Variants in MX1 observed in about 807,000 individuals in gnomAD.
MX1 encodes the protein interferon-induced GTP-binding protein Mx1.
In MX1, 66 loss-of-function variants were observed where a neutral mutation model predicts 66.4. That is an observed-to-expected ratio of 0.99 (90% CI 0.82 to 1.22). MX1 has a LOEUF of 1.22. Ranked by LOEUF, MX1 falls within the 50% of genes most tolerant of loss-of-function variation. The pLI, the probability that MX1 is intolerant of heterozygous loss-of-function variation, is 0.00. For synonymous variants in MX1, 311 were observed against 318.1 expected (o/e 0.98, Z 0.24); for missense variants, 787 against 834.3 (o/e 0.94, Z 0.70).
chr21:41,441,599 CCTGT>C lies in MX1; in HGVS notation c.731-115_731-112del. The C allele has an allele frequency of 2.9e-6, 3 of 1,049,576 alleles. No individual in the cohort carries two copies. Among genetic ancestry groups the C allele is most frequent in the Non-Finnish European group, 1.5e-6 (1 of 680,242 alleles). 65.0% of individuals were successfully genotyped at this position (1,049,576 alleles called of 1,614,324 possible). A position where few individuals can be genotyped will look rare whatever the true frequency, so the allele number is the denominator to read the frequency against. Reference sequence around the variant, plus strand: ...CCCCATGGTTCTGCAGGGGCTATGGCCTGTCCTCAAGCAAGGATGGGAGGAAACC... The same window carrying C: ...CCCCATGGTTCTGCAGGGGCTATGGCCCTCAAGCAAGGATGGGAGGAAACC... On this transcript the variant is annotated intron_variant, in intron 9 of 16. Transcript: ENST00000398598. This position sits in a 1 kb window ranked among gnomAD's most constrained non-coding sequence, Gnocchi z 4.0.
upstream of MX1, chr21:41,422,070 AC>A (rs1487493832): frequency 6.6e-6 from 1 of 152,304 alleles, no homozygotes; most frequent in African/African-American, 2.4e-5. Context: ...CGAGGCTGAT[AC>A]CTACTGGGCT....
upstream of MX1, among the ~76,000 whole-genome samples, chr21:41,421,667 G>A (rs535557850): frequency 6.6e-6 from 1 of 152,216 alleles, no homozygotes; most frequent in African/African-American, 2.4e-5. Context: ...TTAACCCTGA[G>A]TGGACACAGC....
upstream of MX1, chr21:41,426,114 C>T (rs1442524879): frequency 5.7e-6 from 1 of 174,100 alleles, no homozygotes; most frequent in Admixed American, 6.3e-5. Context: ...AGGTGCGGGG[C>T]CAGGAGCTAG....
chr21:41,452,489 A>G, intron 15 of MX1, 132 bp from the exon 16 acceptor site: 1 of 1,017,126 alleles, frequency 9.8e-7, no homozygotes, highest in South Asian at 1.7e-5. Context: ...CGCGGCCCAG[A>G]GGGCTGTTCC....
At chr21:41,430,024 A>G (rs1413573692) in intron 3 of MX1, 1 of 152,084 alleles carries the variant, frequency 6.6e-6, no homozygotes, top group Non-Finnish European at 1.5e-5. Flanking sequence ...AGTTTTAAGT[A>G]TTGGTGTTGG....
intron 4 of MX1, among the ~76,000 whole-genome samples, chr21:41,431,092 G>A (rs910412264): frequency 2.0e-5 from 3 of 152,008 alleles, no homozygotes; most frequent in Non-Finnish European, 4.4e-5. Flanking sequence ...GTGCGATCTC[G>A]GCTCACTGCA....
At chr21:41,450,105 T>TC (rs879578609) in intron 14 of MX1, among the ~76,000 whole-genome samples, 9 of 152,042 alleles carry the variant, frequency 5.9e-5, no homozygotes, top group Non-Finnish European at 1.2e-4. Flanking sequence ...ACACCACACC[T>TC]CCCCCCTGCT....
chr21:41,443,669 A>G, intron 10 of MX1, 119 bp from the exon 11 acceptor site: 1 of 846,618 alleles, frequency 1.2e-6, no homozygotes, highest in South Asian at 1.4e-5. Flanking sequence ...ACCAACTGCA[A>G]GACATTCCAT....
At chr21:41,444,318 C>CTTTTTTTTTTTTT (rs11317486) in intron 11 of MX1, among the ~76,000 whole-genome samples, 12 of 71,542 alleles carry the variant, frequency 1.7e-4, no homozygotes, top group African/African-American at 3.7e-4. Context: ...TCTTTTCTTT[C>CTTTTTTTTTTTTT]TTTTTTTTTT....
intron 14 of MX1, among the ~76,000 whole-genome samples, chr21:41,450,560 A>G (rs2090794977): frequency 6.6e-6 from 1 of 152,180 alleles, no homozygotes; most frequent in African/African-American, 2.4e-5. Context: ...GTAGACTCTT[A>G]ACTCATTCCA....
At chr21:41,447,549 T>G (rs1197870911) in intron 13 of MX1, among the ~76,000 whole-genome samples, 1 of 151,996 alleles carries the variant, frequency 6.6e-6, no homozygotes, top group African/African-American at 2.4e-5. Flanking sequence ...TATGATTCCA[T>G]TGATAGAAAA....
intron 16 of MX1, among the ~76,000 whole-genome samples, chr21:41,454,967 C>T (rs562402440): frequency 2.0e-5 from 3 of 151,300 alleles, no homozygotes; most frequent in Non-Finnish European, 4.4e-5. Flanking sequence ...AGTGCAGTGG[C>T]ACAATCTCAG....
At chr21:41,421,530 C>T (rs1232506372), upstream of MX1, among the ~76,000 whole-genome samples, 2 of 152,192 alleles carry the variant, frequency 1.3e-5, no homozygotes, top group African/African-American at 4.8e-5. Context: ...GGCAGAGGTC[C>T]CTGCGGCCTT....
At chr21:41,455,253 T>C (rs2090931497) in intron 16 of MX1, among the ~76,000 whole-genome samples, 1 of 152,130 alleles carries the variant, frequency 6.6e-6, no homozygotes, top group Non-Finnish European at 1.5e-5. Flanking sequence ...TACTACTGGA[T>C]AGAGGCCACA....
chr21:41,449,268 G>A lies in MX1; in HGVS notation c.1405G>A (p.Ala469Thr), dbSNP rs1236145077. 1.2e-6 allele frequency: 2 copies of A among 1,613,628 alleles called. No individual in the cohort carries two copies. Among genetic ancestry groups the A allele is most frequent in the African/African-American group, 1.3e-5 (1 of 74,856 alleles). The part of the protein sequence containing the change: ...KQQIKALEEP[A>T]VDMLHTVTDM... ...GCAAATCAAGGCACTGGAAGAGCCG[G>A]CTGTGGATATGCTACACACCGTGAC... is the stretch of plus-strand genomic sequence containing the variant. The change falls in exon 14 of 17, where the codon GCT (alanine) becomes ACT (threonine). Residue 469 changes from alanine (A) to threonine (T), a missense_variant. Ala to Thr is a moderately conservative substitution (Grantham distance 58, BLOSUM62 0). Transcript: ENST00000398598.
At chr21:41,424,025 G>T (rs1395065244), upstream of MX1, among the ~76,000 whole-genome samples, 1 of 152,140 alleles carries the variant, frequency 6.6e-6, no homozygotes, top group Admixed American at 6.5e-5. Context: ...CCTTAGGGAA[G>T]CCTCCCGCTG....
upstream of MX1, among the ~76,000 whole-genome samples, chr21:41,424,706 C>T (rs538525672): frequency 2.6e-5 from 4 of 152,278 alleles, no homozygotes; most frequent in South Asian, 8.3e-4. Flanking sequence ...CTTGACTCAG[C>T]CCTCCCCAAC....
At position 41,449,256 on chromosome 21, in the gene MX1, C is replaced by T. The variant is rs1256877241; in HGVS notation, c.1393C>T (p.Leu465=). 7 of 1,613,892 alleles carry T rather than the reference C, an allele frequency of 4.3e-6. 1 individual carries two copies. The South Asian group carries it at 5.5e-5, about 13-fold the overall frequency. ...AATCGTGAAACAGCAAATCAAGGCA[C>T]TGGAAGAGCCGGCTGTGGATATGCT... ...ETIVKQQIKA[L]EEPAVDMLHT... Residue 465 remains leucine, a synonymous_variant, in exon 14 of 17, where the codon CTG becomes TTG. Coordinates refer to ENST00000398598, the MANE Select transcript of MX1 (RefSeq NM_002462.5).
At chr21:41,429,843 G>A (rs1286519634) in intron 3 of MX1, 1 of 148,610 alleles carries the variant, frequency 6.7e-6, no homozygotes, top group Non-Finnish European at 1.5e-5. Context: ...GGGAGGTGGA[G>A]GTTGCAGTGA....
Sources: allele counts gnomAD v4.1 joint callset (sites outside exome capture counted in the v4.1 genomes callset), GRCh38; gene constraint gnomAD v4.1.1; non-coding constraint Gnocchi (gnomAD v3.1); transcripts MANE v1.5; gene names NCBI Gene and HGNC (gene_info 2026-07-23, HGNC 2026-07-21).